The following NUMA1 variants were observed in gnomAD, a reference collection of about 807,000 sequenced individuals.
NUMA1 encodes the protein SP-H antigen.
Under a neutral mutation model 237.1 loss-of-function variants are expected in NUMA1, and 62 were observed. That is an observed-to-expected ratio of 0.26 (90% CI 0.21 to 0.32). The LOEUF is 0.32. NUMA1 is among the 10% of genes least tolerant of loss of function. NUMA1 has a pLI of 1.00. For synonymous variants in NUMA1, 1,028 were observed against 1,066.1 expected (o/e 0.96, Z 0.70); for missense variants, 2,533 against 2,666.5 (o/e 0.95, Z 1.10).
Position 72,012,875 on chromosome 11 carries a change from G to A in NUMA1, c.4608+20C>T. Reference sequence around the variant, plus strand: ...CTCAGCTCCTGATCTTTGGGAGGGTGGTTGGGCTGAGTACCTTACCTGGGC... The same window carrying A: ...CTCAGCTCCTGATCTTTGGGAGGGTAGTTGGGCTGAGTACCTTACCTGGGC... On this transcript the variant is annotated intron_variant, in intron 15 of 26. Coordinates refer to ENST00000393695, the MANE Select transcript of NUMA1 (RefSeq NM_006185.4). 1 of 1,608,060 alleles carries A rather than the reference G, an allele frequency of 6.2e-7. No homozygotes were observed. The highest frequency in any genetic ancestry group is 8.5e-7 in the Non-Finnish European group (1 of 1,176,140).
At chr11:72,018,700 C>T (rs1938279389) in intron 10 of NUMA1, 123 bp downstream of exon 10, 1 of 1,286,908 alleles carries the variant, frequency 7.8e-7, no homozygotes. Flanking sequence ...GGAGGTCAGC[C>T]TGACCACAGG....
chr11:72,038,040 G>A (rs990006660), intron 2 of NUMA1, among the ~76,000 whole-genome samples: 4 of 152,044 alleles, frequency 2.6e-5, no homozygotes, highest in Admixed American at 1.3e-4. Context: ...ACTCAACTGG[G>A]GTTTCTTTAA....
intron 21 of NUMA1, 57 bp downstream of exon 21, chr11:72,007,132 T>C: frequency 3.8e-6 from 6 of 1,589,782 alleles, no homozygotes; most frequent in Non-Finnish European, 5.1e-6. Flanking sequence ...AGTGCAAAGA[T>C]GCCCTTGAGA....
At chr11:72,062,085 T>C (rs1324545513) in intron 2 of NUMA1, among the ~76,000 whole-genome samples, 1 of 152,140 alleles carries the variant, frequency 6.6e-6, no homozygotes, top group African/African-American at 2.4e-5. Flanking sequence ...CCCCTCTAGA[T>C]TGTACCCTTC....
intron 2 of NUMA1, chr11:72,040,717 G>C (rs1313383267): frequency 6.6e-6 from 1 of 152,240 alleles, no homozygotes; most frequent in Non-Finnish European, 1.5e-5. Context: ...ATCTACGCAA[G>C]GGGGAAAGAA....
At chr11:72,019,058 G>A (rs1194541247) in intron 9 of NUMA1, 78 bp from the exon 10 acceptor site, 2 of 1,544,250 alleles carry the variant, frequency 1.3e-6, no homozygotes, top group East Asian at 2.2e-5. Context: ...CAGTAAGGGA[G>A]CGGGGTCTAT....
At chr11:72,023,002 G>A in intron 6 of NUMA1, 63 bp downstream of exon 6, 1 of 1,171,888 alleles carries the variant, frequency 8.5e-7, no homozygotes, top group Non-Finnish European at 1.3e-6. Context: ...GGCCCTGCAG[G>A]GTCCCTCAGG....
rs971159831 is a variant in NUMA1, at chr11:72,016,186, C to T, written c.1317G>A (p.Leu439=). Residue 439 remains leucine (L), a synonymous_variant, in exon 15 of 27, where the codon CTG becomes CTA. Coordinates refer to ENST00000393695, the MANE Select transcript of NUMA1 (RefSeq NM_006185.4). ...CTTCCTGCTGGCCTCGCTCAGTCTCCAGCATCTCTACCCTGGCTTGGAGCT... is the reference window on the plus strand; with the variant it reads ...CTTCCTGCTGGCCTCGCTCAGTCTCTAGCATCTCTACCCTGGCTTGGAGCT... ...NTQLQARVEM[L]ETERGQQEAK... The T allele has an allele frequency of 5.6e-6, 9 of 1,613,170 alleles. No individual in the cohort carries two copies. Among genetic ancestry groups the T allele is most frequent in the African/African-American group, 1.3e-5 (1 of 74,910 alleles).
Position 72,013,416 on chromosome 11 carries a change from C to G in NUMA1, c.4087G>C (p.Ala1363Pro), listed in dbSNP as rs766815206. The G allele has an allele frequency of 6.2e-7, 1 of 1,612,926 alleles. No individual in the cohort carries two copies. The highest frequency in any genetic ancestry group is 1.7e-5 in the Admixed American group (1 of 60,008). ...TQALVSELLP[A>P]KHLCQQLQAE... ...TGCAGCTGCTGGCAGAGGTGCTTAG[C>G]TGGCAGCAGCTCACTCACCAGGGCC... The change falls in exon 15 of 27, where the codon GCT (alanine) becomes CCT (proline). Residue 1363 changes from alanine to proline, a missense_variant. By Grantham distance (27) the Ala-to-Pro change is conservative. Coordinates refer to ENST00000393695, the MANE Select transcript of NUMA1 (RefSeq NM_006185.4). This position sits in a 1 kb window ranked among gnomAD's most constrained non-coding sequence, Gnocchi z 6.8.
intron 2 of NUMA1, among the ~76,000 whole-genome samples, chr11:72,061,196 C>T (rs147210829): frequency 6.6e-6 from 1 of 152,224 alleles, no homozygotes; most frequent in East Asian, 1.9e-4. Flanking sequence ...ATGATCACAC[C>T]ACGGCACTCC....
intron 1 of NUMA1, among the ~76,000 whole-genome samples, chr11:72,077,718 G>A (rs1002449297): frequency 6.6e-6 from 1 of 151,420 alleles, no homozygotes; most frequent in Non-Finnish European, 1.5e-5. Flanking sequence ...GGAGGCTGAG[G>A]CAGGAGAATG....
intron 4 of NUMA1, among the ~76,000 whole-genome samples, chr11:72,026,994 C>A (rs1046600187): frequency 6.6e-6 from 1 of 152,168 alleles, no homozygotes; most frequent in Admixed American, 6.5e-5. Context: ...AGACAACTTG[C>A]AAATGAGCAT....
At chr11:72,051,655 G>C (rs781330643) in intron 2 of NUMA1, among the ~76,000 whole-genome samples, 14 of 152,056 alleles carry the variant, frequency 9.2e-5, no homozygotes, top group Non-Finnish European at 1.6e-4. Context: ...ACTTTTTGTA[G>C]AGATGGAGTT....
At chr11:72,070,385 T>C (rs1353685620) in intron 1 of NUMA1, among the ~76,000 whole-genome samples, 1 of 152,212 alleles carries the variant, frequency 6.6e-6, no homozygotes, top group Non-Finnish European at 1.5e-5. Context: ...CTACAGAATA[T>C]ACTCTGAATT....
At chr11:72,007,511 C>A in intron 20 of NUMA1, 76 bp from the exon 21 acceptor site, 2 of 1,545,058 alleles carry the variant, frequency 1.3e-6, no homozygotes, top group Non-Finnish European at 1.7e-6. Flanking sequence ...TGAAAGTGAC[C>A]ATTTCCCATC....
rs199851967 is a variant in NUMA1 at position 72,024,351 on chromosome 11, T to C, written c.131A>G (p.His44Arg). The C allele has an allele frequency of 2.4e-5, 38 of 1,614,124 alleles. No homozygotes were observed. The East Asian group carries it at 8.2e-4, about 35-fold the overall frequency. Residue 44 changes from histidine (H) to arginine (R), a missense_variant and splice_region_variant, in exon 5 of 27, where the codon CAT becomes CGT. Physicochemically the swap from His to Arg is conservative, Grantham distance 29. This residue lies in a region of NUMA1 where 1,414 missense variants were observed against 1,508.1 expected (regional missense o/e 0.94). Transcript: ENST00000393695. ...GATTTGCTGTCCCTCTTCAGTGCCA[T>C]GGCTAGAAAAAGAGCAAGTATTAGG... ...SIFIKIIDRI[H>R]GTEEGQQILK...
intron 2 of NUMA1, among the ~76,000 whole-genome samples, chr11:72,045,458 CA>C (rs1382971182): frequency 6.6e-6 from 1 of 152,154 alleles, no homozygotes; most frequent in Non-Finnish European, 1.5e-5. Flanking sequence ...AGCAAAGTGG[CA>C]AACATAATTG....
intron 13 of NUMA1, 176 bp downstream of exon 13, chr11:72,017,511 G>T (rs774229299): frequency 1.4e-6 from 1 of 720,512 alleles, no homozygotes; most frequent in Non-Finnish European, 2.4e-6. Flanking sequence ...AAAAAAATAA[G>T]TTAAAAAAAA....
rs142002151 is a variant in NUMA1, at chr11:72,015,713, C to A, written c.1790G>T (p.Arg597Met). Residue 597 changes from arginine (R) to methionine (M), a missense_variant, in exon 15 of 27, where the codon AGG (arginine) becomes ATG (methionine). This residue lies in a region of NUMA1 where 1,414 missense variants were observed against 1,508.1 expected (regional missense o/e 0.94). Transcript: ENST00000393695. This position sits in a 1 kb window ranked among gnomAD's most constrained non-coding sequence, Gnocchi z 4.0. The part of the protein sequence containing the change: ...TAAEEREASL[R>M]ERDAALKQLE... ...CTGCTTGAGAGCCGCATCCCGCTCC[C>A]TTAAGGAGGCCTCTCGCTCCTCTGC... is the stretch of plus-strand genomic sequence containing the variant. 3.7e-5 allele frequency: 60 copies of A among 1,614,166 alleles called. No homozygotes were observed. In the African/African-American group the frequency reaches 5.2e-4, roughly 14 times the overall value.
Sources: allele counts gnomAD v4.1 joint callset (sites outside exome capture counted in the v4.1 genomes callset), GRCh38; gene constraint gnomAD v4.1.1; regional missense constraint gnomAD v4.1.1; non-coding constraint Gnocchi (gnomAD v3.1); transcripts MANE v1.5; gene names NCBI Gene and HGNC (gene_info 2026-07-23, HGNC 2026-07-21).